The following ZNF804B variants were observed in gnomAD, a reference collection of about 807,000 sequenced individuals.
ZNF804B encodes the protein zinc finger protein 804B, also known as zinc finger 804B.
In ZNF804B, 80 loss-of-function variants were observed where a neutral mutation model predicts 101.4. That is an observed-to-expected ratio of 0.79 (90% CI 0.66 to 0.95). The LOEUF is 0.95. ZNF804B is among the 40% of genes least tolerant of loss of function. ZNF804B has a pLI of 0.00. For missense variants in ZNF804B, 1,673 were observed against 1,561.9 expected (o/e 1.07, Z -1.20); for synonymous variants, 622 against 558.8 (o/e 1.11, Z -1.59).
At chr7:89,325,208 T>C (rs1374106971) in intron 2 of ZNF804B, among the ~76,000 whole-genome samples, 1 of 152,012 alleles carries the variant, frequency 6.6e-6, no homozygotes, top group Non-Finnish European at 1.5e-5. Context: ...TTTCTCTACT[T>C]AAACTTGAGC....
chr7:89,336,265 C>A lies in ZNF804B; in HGVS notation c.3283C>A (p.Gln1095Lys). ...TGATTCAACAGAGACCCAAGAAGAC[C>A]AAATAAATCTAGACTTACAGGATGT... ...VTDSTETQED[Q>K]INLDLQDVSM... The change falls in exon 4 of 4, where the codon CAA becomes AAA. Residue 1095 changes from glutamine to lysine, a missense_variant. Transcript: ENST00000333190. The A allele has an allele frequency of 6.2e-7, 1 of 1,613,742 alleles. No individual in the cohort carries two copies. Among genetic ancestry groups the A allele is most frequent in the Non-Finnish European group, 8.5e-7 (1 of 1,179,938 alleles).
chr7:89,327,030 G>C (rs1389102412), intron 2 of ZNF804B, among the ~76,000 whole-genome samples: 4 of 151,868 alleles, frequency 2.6e-5, no homozygotes, highest in Non-Finnish European at 5.9e-5. Flanking sequence ...TTCATATATT[G>C]CATGTTTTTC....
At chr7:88,977,585 G>A (rs1793633674) in intron 1 of ZNF804B, among the ~76,000 whole-genome samples, 1 of 151,446 alleles carries the variant, frequency 6.6e-6, no homozygotes. Context: ...AATATCCATA[G>A]TAATGTCTCT....
At chr7:88,958,838 ACT>A (rs905446865) in intron 1 of ZNF804B, among the ~76,000 whole-genome samples, 2 of 151,430 alleles carry the variant, frequency 1.3e-5, no homozygotes, top group Non-Finnish European at 3.0e-5. Context: ...ATTCTACGGC[ACT>A]CATTTCAATC....
intron 1 of ZNF804B, among the ~76,000 whole-genome samples, chr7:88,806,470 C>T (rs774130348): frequency 8.5e-5 from 13 of 152,078 alleles, no homozygotes; most frequent in Non-Finnish European, 1.5e-4. Flanking sequence ...AGTTAACTTT[C>T]GTATCTGGCA....
At chr7:89,221,691 T>TTTCTA (rs61397319) in intron 2 of ZNF804B, among the ~76,000 whole-genome samples, 28,957 of 142,016 alleles carry the variant, frequency 0.2, 3,145 homozygotes, top group East Asian at 0.24. Context: ...TTCCTCAATA[T>TTTCTA]TTCTATTCTA....
chr7:88,920,878 A>G (rs187445097), intron 1 of ZNF804B, among the ~76,000 whole-genome samples: 36 of 152,178 alleles, frequency 2.4e-4, no homozygotes, highest in African/African-American at 8.4e-4. Context: ...TTTATAACCT[A>G]AAGTCATGAG....
rs779955546 is a variant in ZNF804B, at chr7:89,335,764, C to T, written c.2782C>T (p.Leu928Phe). Residue 928 changes from leucine (L) to phenylalanine (F), a missense_variant, in exon 4 of 4, where the codon CTT becomes TTT. Coordinates refer to ENST00000333190, the MANE Select transcript of ZNF804B (RefSeq NM_181646.5). ...GERTPLTAKILLERVQAKKCQ... is the reference protein window; with the variant it reads ...GERTPLTAKIFLERVQAKKCQ... ...GAGGACCCCTCTAACAGCAAAAATC[C>T]TTTTAGAAAGAGTACAAGCCAAGAA... 1.2e-6 allele frequency: 2 copies of T among 1,613,982 alleles called. No homozygotes were observed. The highest frequency in any genetic ancestry group is 1.7e-6 in the Non-Finnish European group (2 of 1,179,950).
intron 1 of ZNF804B, among the ~76,000 whole-genome samples, chr7:88,998,330 A>G (rs1788229377): frequency 6.6e-6 from 1 of 152,036 alleles, no homozygotes; most frequent in African/African-American, 2.4e-5. Context: ...GGGAAGTGGG[A>G]TTTGTCAAAC....
At chr7:88,981,680 T>C (rs1014093723) in intron 1 of ZNF804B, among the ~76,000 whole-genome samples, 2 of 152,004 alleles carry the variant, frequency 1.3e-5, no homozygotes, top group African/African-American at 4.8e-5. Context: ...GGTGGATGAT[T>C]CCCCTCTGGC....
At chr7:89,042,535 A>G (rs1056872775) in intron 1 of ZNF804B, among the ~76,000 whole-genome samples, 2 of 152,174 alleles carry the variant, frequency 1.3e-5, no homozygotes, top group African/African-American at 4.8e-5. Flanking sequence ...TAAAGGCTTG[A>G]ATTTCTAATG....
At chr7:88,764,941 C>G (rs1212071991) in intron 1 of ZNF804B, among the ~76,000 whole-genome samples, 1 of 152,056 alleles carries the variant, frequency 6.6e-6, no homozygotes, top group Non-Finnish European at 1.5e-5. Flanking sequence ...TACATGTTCT[C>G]TTTTTTATGT....
chr7:89,079,549 G>A (rs1017568832), intron 1 of ZNF804B, among the ~76,000 whole-genome samples: 1 of 151,984 alleles, frequency 6.6e-6, no homozygotes, highest in Admixed American at 6.6e-5. Context: ...TCTTATGGGT[G>A]ATATAGATAC....
At chr7:89,032,234 G>T (rs1333301611) in intron 1 of ZNF804B, among the ~76,000 whole-genome samples, 1 of 133,150 alleles carries the variant, frequency 7.5e-6, no homozygotes, top group African/African-American at 2.8e-5. Flanking sequence ...ACCAGAAATG[G>T]TTTCAAATTT....
chr7:89,244,260 T>C (rs1584079081), intron 2 of ZNF804B, among the ~76,000 whole-genome samples: 1 of 152,090 alleles, frequency 6.6e-6, no homozygotes, highest in South Asian at 2.1e-4. Context: ...ATACAGCTTA[T>C]GACAAAGAAT....
chr7:88,859,881 A>G (rs932050760), intron 1 of ZNF804B, among the ~76,000 whole-genome samples: 3 of 151,904 alleles, frequency 2.0e-5, no homozygotes, highest in Non-Finnish European at 4.4e-5. Context: ...GAAATTTATT[A>G]CCTTCATTTA....
intron 1 of ZNF804B, among the ~76,000 whole-genome samples, chr7:89,072,441 T>G (rs1789556381): frequency 1.3e-5 from 2 of 152,170 alleles, no homozygotes; most frequent in Non-Finnish European, 2.9e-5. Context: ...CTGTACTACA[T>G]TTCAACTATT....
intron 1 of ZNF804B, among the ~76,000 whole-genome samples, chr7:88,807,132 G>A (rs538627405): frequency 6.6e-6 from 1 of 152,216 alleles, no homozygotes; most frequent in African/African-American, 2.4e-5. Context: ...CCAATCTTTA[G>A]AGAAAATGAA....
chr7:88,762,729 G>A (rs1363757284), intron 1 of ZNF804B, among the ~76,000 whole-genome samples: 1 of 149,202 alleles, frequency 6.7e-6, no homozygotes, highest in Non-Finnish European at 1.5e-5. Context: ...TTAGTGCCAG[G>A]AATGACCTAA....
Sources: allele counts gnomAD v4.1 joint callset (sites outside exome capture counted in the v4.1 genomes callset), GRCh38; gene constraint gnomAD v4.1.1; transcripts MANE v1.5; gene names NCBI Gene and HGNC (gene_info 2026-07-23, HGNC 2026-07-21).